Variants in ASXL3 observed in about 807,000 individuals in gnomAD.
ASXL3 encodes the protein putative Polycomb group protein ASXL3.
A neutral mutation model predicts 170.6 loss-of-function variants in ASXL3; 34 were observed. That is an observed-to-expected ratio of 0.20 (90% CI 0.15 to 0.27). ASXL3 has a LOEUF of 0.27. ASXL3 is among the 10% of genes least tolerant of loss of function. The pLI is 1.00. For synonymous variants in ASXL3, 1,002 were observed against 989.1 expected (o/e 1.01, Z -0.24); for missense variants, 2,592 against 2,695.3 (o/e 0.96, Z 0.85).
At chr18:33,695,299 G>A (rs2145313281) in intron 8 of ASXL3, among the ~76,000 whole-genome samples, 2 of 152,166 alleles carry the variant, frequency 1.3e-5, no homozygotes, top group East Asian at 3.9e-4. Context: ...CGCTGAGTCT[G>A]AAAGCGTATC....
At chr18:33,741,184 AAAT>A (rs2067655133) in intron 11 of ASXL3, among the ~76,000 whole-genome samples, 1 of 152,190 alleles carries the variant, frequency 6.6e-6, no homozygotes, top group South Asian at 2.1e-4. Flanking sequence ...GAAGCAATAG[AAAT>A]AATAATATAA....
chr18:33,662,698 A>G (rs1381404865), intron 5 of ASXL3, among the ~76,000 whole-genome samples: 2 of 152,168 alleles, frequency 1.3e-5, no homozygotes, highest in Non-Finnish European at 2.9e-5. Context: ...ACAATCATCT[A>G]TTTTGATCCT....
chr18:33,699,181 G>A (rs139464515), intron 8 of ASXL3, among the ~76,000 whole-genome samples: 14 of 152,022 alleles, frequency 9.2e-5, no homozygotes, highest in African/African-American at 2.2e-4. Flanking sequence ...CTAGAAAACC[G>A]GCAAGAAAAT....
rs2067796115 is a variant in ASXL3, at chr18:33,746,456, G to A, written c.6608G>A (p.Ser2203Asn). 2 of 1,614,046 alleles carry A rather than the reference G, an allele frequency of 1.2e-6. No individual in the cohort carries two copies. Among genetic ancestry groups the A allele is most frequent in the Non-Finnish European group, 1.7e-6 (2 of 1,179,892 alleles). ...ATGCCCGTTCAGAACTTTGCCGACA[G>A]CAGCAATGCAGATGAATTGGAACTG... ...AQMPVQNFADSSNADELELKC... is the reference protein window; with the variant it reads ...AQMPVQNFADNSNADELELKC... Residue 2203 changes from serine (S) to asparagine (N), a missense_variant, in exon 12 of 12, where the codon AGC becomes AAC. By Grantham distance (46) the Ser-to-Asn change is conservative. Around this residue, in one of 4 missense-constraint regions of ASXL3, gnomAD observed 2,246 missense variants for 2,219.6 expected, o/e 1.01. Coordinates refer to ENST00000269197, the MANE Select transcript of ASXL3 (RefSeq NM_030632.3).
intron 1 of ASXL3, among the ~76,000 whole-genome samples, chr18:33,581,825 C>T (rs930072305): frequency 1.3e-5 from 2 of 152,096 alleles, no homozygotes; most frequent in African/African-American, 4.8e-5. Context: ...GTTAGGCTTG[C>T]TTAGTGTATG....
chr18:33,587,875 TA>T (rs918662950), intron 1 of ASXL3, among the ~76,000 whole-genome samples: 4 of 152,316 alleles, frequency 2.6e-5, no homozygotes, highest in African/African-American at 9.6e-5. Context: ...GATTATTTTT[TA>T]TCCTTAGTAC....
At chr18:33,655,105 G>A (rs1422614567) in intron 4 of ASXL3, among the ~76,000 whole-genome samples, 2 of 151,968 alleles carry the variant, frequency 1.3e-5, no homozygotes, top group Admixed American at 1.3e-4. Context: ...TGTGGCAGGT[G>A]AACGACATTT....
At chr18:33,643,511 A>G (rs906475786) in intron 2 of ASXL3, among the ~76,000 whole-genome samples, 1 of 151,874 alleles carries the variant, frequency 6.6e-6, no homozygotes, top group Non-Finnish European at 1.5e-5. Flanking sequence ...GTCAAATTCA[A>G]TGGAGTCATA....
intron 8 of ASXL3, among the ~76,000 whole-genome samples, chr18:33,716,482 G>A (rs2067167462): frequency 1.3e-5 from 2 of 152,282 alleles, no homozygotes; most frequent in African/African-American, 4.8e-5. Context: ...AAAGCATGAA[G>A]GTTTGACATG....
rs202108426 is a variant in ASXL3, at chr18:33,738,517, G to A, written c.1113G>A (p.Lys371=). The change falls in exon 11 of 12, where the codon AAG becomes AAA. Residue 371 remains lysine (K), a synonymous_variant. Coordinates refer to ENST00000269197, the MANE Select transcript of ASXL3 (RefSeq NM_030632.3). ...GCATGTCAAGAGAGGAATCTGTGAA[G>A]CTCACTACTGGACCAAACAACGCTG... ...KLGMSREESV[K]LTTGPNNAGA... 39 of 1,612,798 alleles carry A rather than the reference G, an allele frequency of 2.4e-5. No individual in the cohort carries two copies. Among genetic ancestry groups the A allele is most frequent in the Admixed American group, 3.3e-5 (2 of 59,854 alleles).
intron 5 of ASXL3, among the ~76,000 whole-genome samples, chr18:33,669,956 C>T (rs1304258461): frequency 6.6e-6 from 1 of 152,100 alleles, no homozygotes; most frequent in African/African-American, 2.4e-5. Context: ...TCACCGTGGT[C>T]GATTCATTTA....
intron 4 of ASXL3, among the ~76,000 whole-genome samples, chr18:33,647,467 C>T (rs2065932936): frequency 6.6e-6 from 1 of 151,996 alleles, no homozygotes; most frequent in African/African-American, 2.4e-5. Context: ...TGAGTATCCC[C>T]CCAATTGTTG....
chr18:33,703,670 C>T (rs756516415), intron 8 of ASXL3, among the ~76,000 whole-genome samples: 1 of 151,986 alleles, frequency 6.6e-6, no homozygotes, highest in Non-Finnish European at 1.5e-5. Flanking sequence ...CCAACCCCCA[C>T]CCCCATCCCT....
intron 7 of ASXL3, among the ~76,000 whole-genome samples, chr18:33,676,800 A>G (rs1215318057): frequency 6.6e-6 from 1 of 152,188 alleles, no homozygotes; most frequent in Non-Finnish European, 1.5e-5. Flanking sequence ...AGCAAAGGAT[A>G]AACCACTTAA....
intron 8 of ASXL3, among the ~76,000 whole-genome samples, chr18:33,691,643 GGA>G (rs149624334): frequency 6.6e-6 from 1 of 152,216 alleles, no homozygotes; most frequent in South Asian, 2.1e-4. Context: ...TTGTTCTAGA[GGA>G]GAGAGAGAGA....
chr18:33,698,059 T>C (rs2066801037), intron 8 of ASXL3, among the ~76,000 whole-genome samples: 1 of 152,056 alleles, frequency 6.6e-6, no homozygotes, highest in Admixed American at 6.6e-5. Context: ...AATGTAGGTA[T>C]CCCTCCTGGA....
chr18:33,657,198 CTGCCAAGATGAGTT>C (rs1328796798), intron 4 of ASXL3, among the ~76,000 whole-genome samples: 2 of 152,048 alleles, frequency 1.3e-5, no homozygotes, highest in African/African-American at 4.8e-5. Context: ...AGAATTTGGA[CTGCCAAGATGAGTT>C]TGCCAGGCAG....
intron 1 of ASXL3, among the ~76,000 whole-genome samples, chr18:33,580,029 C>A (rs9966506): frequency 0.064 from 9,777 of 152,164 alleles, 1,068 homozygotes; most frequent in African/African-American, 0.22. Context: ...GCCCTATTGC[C>A]CAGCGAAGAA....
intron 8 of ASXL3, among the ~76,000 whole-genome samples, chr18:33,715,198 T>A (rs2067143798): frequency 6.6e-6 from 1 of 152,218 alleles, no homozygotes; most frequent in Non-Finnish European, 1.5e-5. Flanking sequence ...AGGTTGTGCA[T>A]GTGTGGATGT....
Sources: gnomAD v4.1 joint callset for allele counts (sites outside exome capture counted in the v4.1 genomes callset) on GRCh38, gnomAD v4.1.1 for gene constraint, gnomAD v4.1.1 regional missense constraint, MANE v1.5 for transcripts, NCBI Gene and HGNC (gene_info 2026-07-23, HGNC 2026-07-21) for gene names.